The following SOAT2 variants were observed in gnomAD, a reference collection of about 807,000 sequenced individuals.
The protein encoded by SOAT2 is sterol O-acyltransferase 2.
A neutral mutation model predicts 76.0 loss-of-function variants in SOAT2; 87 were observed. The ratio of observed to expected loss-of-function variants is 1.14; its 90% CI spans 0.96 to 1.37. SOAT2 has a LOEUF of 1.37. Among genes scored for constraint, SOAT2 ranks in the 40% most tolerant of loss-of-function variants. The pLI, the probability that SOAT2 is intolerant of heterozygous loss-of-function variation, is 0.00. For synonymous variants in SOAT2, 285 were observed against 275.4 expected (o/e 1.03, Z -0.34); for missense variants, 686 against 682.1 (o/e 1.01, Z -0.06).
At chr12:53,118,657 G>A (rs536122452) in intron 8 of SOAT2, among the ~76,000 whole-genome samples, 2 of 152,066 alleles carry the variant, frequency 1.3e-5, no homozygotes, top group African/African-American at 2.4e-5. Context: ...ACCCAGGACT[G>A]TCTTGATAAT....
At position 53,104,146 on chromosome 12, in the gene SOAT2, C is replaced by T; in HGVS notation, c.83-5C>T. ...GTTGACTGTGCCTTTGATCCCTCCT[C>T]ACAGGAAACACTGAGACGCACAGAG... On this transcript the variant is annotated splice_region_variant and splice_polypyrimidine_tract_variant and intron_variant, in intron 1 of 14. Transcript: ENST00000301466. The T allele has an allele frequency of 5.0e-6, 8 of 1,613,238 alleles. No homozygotes were observed. Among genetic ancestry groups the T allele is most frequent in the Non-Finnish European group, 6.8e-6 (8 of 1,179,390 alleles).
intron 12 of SOAT2, among the ~76,000 whole-genome samples, chr12:53,122,873 C>T (rs1283216126): frequency 1.3e-5 from 2 of 152,006 alleles, no homozygotes; most frequent in African/African-American, 2.4e-5. Context: ...GGGTGGTGGC[C>T]GGGCAGAGGG....
At chr12:53,116,351 G>A (rs757664198) in intron 7 of SOAT2, among the ~76,000 whole-genome samples, 185 bp downstream of exon 7, 1 of 152,232 alleles carries the variant, frequency 6.6e-6, no homozygotes, top group Non-Finnish European at 1.5e-5. Context: ...CCCTGCCTCT[G>A]ACAGATGGCA....
intron 5 of SOAT2, among the ~76,000 whole-genome samples, chr12:53,107,842 C>T (rs1209751250): frequency 2.0e-5 from 3 of 151,930 alleles, no homozygotes; most frequent in South Asian, 2.1e-4. Flanking sequence ...AGGCTGGTCT[C>T]GAACTCCTGA....
chr12:53,123,770 C>A lies in SOAT2; in HGVS notation c.1415C>A (p.Ala472Glu). Reference sequence around the variant, plus strand: ...ATGCATGACCAGCGCACCGGCCCGGCATGGAACGTGCTGATGTGGACCATG... The same window carrying A: ...ATGCATGACCAGCGCACCGGCCCGGAATGGAACGTGCTGATGTGGACCATG... ...FMMHDQRTGP[A>E]WNVLMWTMLF... Residue 472 changes from alanine (A) to glutamate (E), a missense_variant, in exon 14 of 15, where the codon GCA (alanine) becomes GAA (glutamate). Ala to Glu is a moderately radical substitution (Grantham distance 107). Transcript: ENST00000301466. 1 of 1,614,186 alleles carries A rather than the reference C, an allele frequency of 6.2e-7. No individual in the cohort carries two copies. Among genetic ancestry groups the A allele is most frequent in the Non-Finnish European group, 8.5e-7 (1 of 1,180,040 alleles).
At chr12:53,116,275 G>A (rs1241682848) in intron 7 of SOAT2, 109 bp downstream of exon 7, 2 of 956,120 alleles carry the variant, frequency 2.1e-6, no homozygotes, top group African/African-American at 1.6e-5. Context: ...AGCCCGGGTT[G>A]CCCACCAGGC....
chr12:53,116,273 T>A (rs906020504), intron 7 of SOAT2, 107 bp downstream of exon 7: 3 of 1,010,222 alleles, frequency 3.0e-6, no homozygotes, highest in Non-Finnish European at 4.6e-6. Flanking sequence ...TAAGCCCGGG[T>A]TGCCCACCAG....
chr12:53,103,770 C>A (rs1158391338), intron 1 of SOAT2, 111 bp downstream of exon 1: 9 of 946,226 alleles, frequency 9.5e-6, no homozygotes, highest in Non-Finnish European at 1.4e-5. Flanking sequence ...TCCTGCTGTC[C>A]AGAGAGGCCA....
rs1938219281 is a variant in SOAT2, at chr12:53,123,105, G to T, written c.1261G>T (p.Val421Leu). 1.9e-6 allele frequency: 3 copies of T among 1,613,570 alleles called. No individual in the cohort carries two copies. In the African/African-American group the frequency reaches 4.0e-5, roughly 22 times the overall value. ...LRLLGARARG[V>L]AMLGVFLVSA... ...GCTCCTTGGTGCCCGGGCCCGAGGG[G>T]TAGCCATGCTGGGTGTGTTCCTGGT... Residue 421 changes from valine to leucine, a missense_variant, in exon 13 of 15, where the codon GTA becomes TTA. Physicochemically the swap from Val to Leu is conservative, Grantham distance 32 (BLOSUM62 1). Coordinates refer to ENST00000301466, the MANE Select transcript of SOAT2 (RefSeq NM_003578.4).
intron 7 of SOAT2, among the ~76,000 whole-genome samples, chr12:53,117,635 G>A (rs1938126253): frequency 6.6e-6 from 1 of 152,020 alleles, no homozygotes; most frequent in African/African-American, 2.4e-5. Context: ...GTAGAAGGGT[G>A]GACCTGTGAC....
intron 5 of SOAT2, among the ~76,000 whole-genome samples, chr12:53,109,749 A>C (rs566266913): frequency 6.6e-6 from 1 of 152,312 alleles, no homozygotes; most frequent in South Asian, 2.1e-4. Flanking sequence ...TGACATTCCC[A>C]AAGTGCTGGG....
intron 5 of SOAT2, 21 bp from the exon 6 acceptor site, chr12:53,115,369 T>C: frequency 6.4e-7 from 1 of 1,569,820 alleles, no homozygotes; most frequent in Non-Finnish European, 8.6e-7. Flanking sequence ...GTCTACTTTG[T>C]CTCTCCTTCC....
In SOAT2 at chr12:53,120,847, C is replaced by T. The variant is rs1163084533; in HGVS notation, c.1101C>T (p.Ala367=). 6.2e-7 allele frequency: 1 copy of T among 1,613,870 alleles called. No individual in the cohort carries two copies. Among genetic ancestry groups the T allele is most frequent in the African/African-American group, 1.3e-5 (1 of 74,888 alleles). ...AFLHCWLNAF[A]EMLRFGDRMF... ...TCCATTGCTGGCTCAACGCCTTTGC[C>T]GAGATGCTACGATTTGGAGACAGGA... Residue 367 remains alanine (A), a synonymous_variant, in exon 11 of 15, where the codon GCC becomes GCT. Transcript: ENST00000301466.
At chr12:53,122,911 G>A (rs562477450) in intron 12 of SOAT2, among the ~76,000 whole-genome samples, 170 bp from the exon 13 acceptor site, 1 of 152,002 alleles carries the variant, frequency 6.6e-6, no homozygotes, top group East Asian at 1.9e-4. Flanking sequence ...AGGGGCGGCC[G>A]GGCAGAGGCG....
chr12:53,119,158 T>C lies in SOAT2; in HGVS notation c.944T>C (p.Leu315Pro). 3.1e-6 allele frequency: 5 copies of C among 1,613,902 alleles called. No homozygotes were observed. Among genetic ancestry groups the C allele is most frequent in the Non-Finnish European group, 4.2e-6 (5 of 1,179,932 alleles). The change falls in exon 10 of 15, where the codon CTG becomes CCG. Residue 315 changes from leucine (L) to proline (P), a missense_variant. Leu to Pro is a moderately conservative substitution (Grantham distance 98, BLOSUM62 -3). Transcript: ENST00000301466. ...TGTGTGCTCTATGCCTGCTTCATCC[T>C]GGGCCGCCTCTGTGTTCCTGTCTTT... ...LGCVLYACFILGRLCVPVFAN... is the reference protein window; with the variant it reads ...LGCVLYACFIPGRLCVPVFAN...
intron 5 of SOAT2, among the ~76,000 whole-genome samples, chr12:53,107,227 C>T (rs1937949385): frequency 2.6e-5 from 4 of 152,100 alleles, no homozygotes; most frequent in Admixed American, 2.0e-4. Context: ...CTGGCTACTT[C>T]CTGCTGAGAG....
rs762882127 is a variant in SOAT2, at chr12:53,123,710, C to T, written c.1373-18C>T. 3 of 1,613,924 alleles carry T rather than the reference C, an allele frequency of 1.9e-6. No individual in the cohort carries two copies. The highest frequency in any genetic ancestry group is 2.7e-5 in the African/African-American group (2 of 74,922). ...GGCACTCCTGGAGCTGGAATGACAA[C>T]CTTTCCTCCTGCACCAGGAATGTTG... On this transcript the variant is annotated intron_variant, in intron 13 of 14. Coordinates refer to ENST00000301466, the MANE Select transcript of SOAT2 (RefSeq NM_003578.4).
intron 5 of SOAT2, among the ~76,000 whole-genome samples, chr12:53,108,978 C>CA: frequency 6.6e-6 from 1 of 152,230 alleles, no homozygotes; most frequent in Non-Finnish European, 1.5e-5. Flanking sequence ...GTGGCTCATG[C>CA]CTGTAATCCC....
At chr12:53,116,280 C>A in intron 7 of SOAT2, 114 bp downstream of exon 7, 2 of 866,934 alleles carry the variant, frequency 2.3e-6, no homozygotes, top group Non-Finnish European at 1.9e-6. Flanking sequence ...GGGTTGCCCA[C>A]CAGGCACAGC....
Sources: gnomAD v4.1 joint callset for allele counts (sites outside exome capture counted in the v4.1 genomes callset) on GRCh38, gnomAD v4.1.1 for gene constraint, MANE v1.5 for transcripts, NCBI Gene and HGNC (gene_info 2026-07-23, HGNC 2026-07-21) for gene names.